DDX60: variants seen among roughly 807,000 people sequenced by gnomAD.
DDX60 encodes probable ATP-dependent RNA helicase DDX60.
Under a neutral mutation model 212.8 loss-of-function variants are expected in DDX60, and 165 were observed. The observed-to-expected ratio is 0.78, with a 90% CI of 0.68 to 0.88. DDX60 has a LOEUF of 0.88. DDX60 is among the 40% of genes least tolerant of loss of function. The probability of loss-of-function intolerance (pLI) is 0.00; values close to 1 mark genes in which losing one functional copy is unlikely to be tolerated. For missense variants in DDX60, 1,905 were observed against 2,003.9 expected (o/e 0.95, Z 0.94); for synonymous variants, 703 against 685.3 (o/e 1.03, Z -0.40).
chr4:168,318,395 C>G (rs1292157061), intron 1 of DDX60, among the ~76,000 whole-genome samples: 1 of 152,260 alleles, frequency 6.6e-6, no homozygotes. Flanking sequence ...GACTTCAGGC[C>G]TTTCGCGGTT....
chr4:168,250,920 A>C, intron 28 of DDX60, 34 bp downstream of exon 28: 6 of 1,507,318 alleles, frequency 4.0e-6, no homozygotes, highest in Non-Finnish European at 4.5e-6. Flanking sequence ...AACAGTCACA[A>C]TTTCAATTTT....
At chr4:168,256,762 G>C in intron 25 of DDX60, among the ~76,000 whole-genome samples, 1 of 152,226 alleles carries the variant, frequency 6.6e-6, no homozygotes. Context: ...CAAGTAGCCA[G>C]TAGCTATTGC....
At chr4:168,229,634 C>T (rs1177275664) in intron 33 of DDX60, among the ~76,000 whole-genome samples, 1 of 151,922 alleles carries the variant, frequency 6.6e-6, no homozygotes. Flanking sequence ...AAGTTTTCAG[C>T]CCTGCTCACA....
intron 17 of DDX60, 94 bp downstream of exon 17, chr4:168,273,840 T>C: frequency 7.0e-7 from 1 of 1,431,414 alleles, no homozygotes; most frequent in African/African-American, 1.4e-5. Context: ...GGTTAAAAAA[T>C]AAAGTGAACT....
chr4:168,226,450 T>C (rs907002927), intron 33 of DDX60, among the ~76,000 whole-genome samples: 3 of 152,002 alleles, frequency 2.0e-5, no homozygotes, highest in Admixed American at 1.3e-4. Flanking sequence ...GAACACAGCA[T>C]AAAGACAACC....
intron 29 of DDX60, among the ~76,000 whole-genome samples, chr4:168,247,514 T>C (rs1195217674): frequency 1.3e-5 from 2 of 152,144 alleles, no homozygotes; most frequent in Admixed American, 6.5e-5. Flanking sequence ...AAAACCTGCA[T>C]GTGGGTGACA....
intron 27 of DDX60, among the ~76,000 whole-genome samples, chr4:168,251,496 G>A (rs975435527): frequency 3.3e-5 from 5 of 152,172 alleles, no homozygotes; most frequent in Admixed American, 6.5e-5. Context: ...TATGTGGTCC[G>A]GGAATGCCTA....
chr4:168,270,589 C>A (rs1459391623), intron 19 of DDX60, among the ~76,000 whole-genome samples: 1 of 152,148 alleles, frequency 6.6e-6, no homozygotes, highest in Non-Finnish European at 1.5e-5. Flanking sequence ...ATTCAAAGTT[C>A]TAGATTGCAC....
intron 12 of DDX60, among the ~76,000 whole-genome samples, chr4:168,284,213 C>T (rs1288580175): frequency 6.6e-6 from 1 of 152,136 alleles, no homozygotes; most frequent in Admixed American, 6.6e-5. Context: ...TAAAGTATCC[C>T]CCCACACCTT....
chr4:168,308,247 C>A, intron 3 of DDX60, 52 bp from the exon 4 acceptor site: 1 of 1,093,232 alleles, frequency 9.1e-7, no homozygotes, highest in Non-Finnish European at 1.3e-6. Flanking sequence ...AAATCATGTT[C>A]CAAAAAGGCA....
At chr4:168,247,618 G>A (rs1734066784) in intron 29 of DDX60, among the ~76,000 whole-genome samples, 1 of 152,188 alleles carries the variant, frequency 6.6e-6, no homozygotes, top group Admixed American at 6.5e-5. Flanking sequence ...GCAGGACGTG[G>A]TAGAATAAGG....
Position 168,291,777 on chromosome 4 carries a change from C to T in DDX60, c.1012G>A (p.Ala338Thr). 6.2e-7 allele frequency: 1 copy of T among 1,607,872 alleles called. No individual in the cohort carries two copies. The highest frequency in any genetic ancestry group is 1.3e-5 in the African/African-American group (1 of 74,570). Residue 338 changes from alanine to threonine, a missense_variant, in exon 8 of 38, where the codon GCT becomes ACT. Coordinates refer to ENST00000393743, the MANE Select transcript of DDX60 (RefSeq NM_017631.6). Reference sequence around the variant, plus strand: ...TGTAATAAAGGCTTCATGTCCTCAGCCCAATGGGAAGTGATGACTCTAGCA... The same window carrying T: ...TGTAATAAAGGCTTCATGTCCTCAGTCCAATGGGAAGTGATGACTCTAGCA... ...ACARVITSHW[A>T]EDMKPLLQMK...
Position 168,306,375 on chromosome 4 carries a change from T to C in DDX60, c.606+4A>G, listed in dbSNP as rs1736874513. ...GAAGAAATTGTCTTTTGGATGTGAA[T>C]TACCTTCCAGGAAAAAATCTGGTGT... On this transcript the variant is annotated splice_donor_region_variant and intron_variant, in intron 5 of 37. Transcript: ENST00000393743. 2 of 1,583,948 alleles carry C rather than the reference T, an allele frequency of 1.3e-6. No homozygotes were observed. The highest frequency in any genetic ancestry group is 1.7e-6 in the Non-Finnish European group (2 of 1,163,818).
intron 28 of DDX60, among the ~76,000 whole-genome samples, chr4:168,250,440 T>C (rs1418056829): frequency 6.6e-6 from 1 of 151,654 alleles, no homozygotes; most frequent in Non-Finnish European, 1.5e-5. Context: ...ACTCAGGAGG[T>C]TCAACAACAA....
chr4:168,218,147 T>C (rs574053919), intron 37 of DDX60, among the ~76,000 whole-genome samples: 1 of 152,160 alleles, frequency 6.6e-6, no homozygotes, highest in Non-Finnish European at 1.5e-5. Context: ...TTTTCGAGTG[T>C]CATCACTGAC....
chr4:168,250,897 A>C, intron 28 of DDX60, 57 bp downstream of exon 28: 2 of 1,377,628 alleles, frequency 1.5e-6, no homozygotes, highest in African/African-American at 2.9e-5. Flanking sequence ...CTTTTCCTGA[A>C]CATTCAGCTT....
intron 28 of DDX60, among the ~76,000 whole-genome samples, chr4:168,249,317 T>C (rs1265020687): frequency 6.6e-6 from 1 of 152,214 alleles, no homozygotes. Context: ...GCTGGGTATT[T>C]CTAATCATCT....
chr4:168,234,230 C>T (rs1360869367), intron 33 of DDX60, among the ~76,000 whole-genome samples: 1 of 152,034 alleles, frequency 6.6e-6, no homozygotes, highest in Non-Finnish European at 1.5e-5. Flanking sequence ...GGTTTTAAAA[C>T]TATGGTGTGT....
In DDX60 at chr4:168,275,457, A is replaced by T. The variant is rs140867425; in HGVS notation, c.2192T>A (p.Val731Asp). The change falls in exon 16 of 38, where the codon GTT (valine) becomes GAT (aspartate). Residue 731 changes from valine (V) to aspartate (D), a missense_variant. Physicochemically the swap from Val to Asp is radical, Grantham distance 152. Coordinates refer to ENST00000393743, the MANE Select transcript of DDX60 (RefSeq NM_017631.6). ...VKVKKRNKYSVGIGPARFQLQ... is the reference protein window; with the variant it reads ...VKVKKRNKYSDGIGPARFQLQ... ...TTGGAACCGAGCTGGCCCAATGCCA[A>T]CTGAATATTTATTCCTTTTCTTCAC... 6.2e-7 allele frequency: 1 copy of T among 1,611,264 alleles called. No individual in the cohort carries two copies. The highest frequency in any genetic ancestry group is 1.3e-5 in the African/African-American group (1 of 74,880).
Sources: gnomAD v4.1 joint callset for allele counts (sites outside exome capture counted in the v4.1 genomes callset) on GRCh38, gnomAD v4.1.1 for gene constraint, MANE v1.5 for transcripts, NCBI Gene and HGNC (gene_info 2026-07-23, HGNC 2026-07-21) for gene names.